The following TNRC6A variants were observed in gnomAD, a reference collection of about 807,000 sequenced individuals.
The protein encoded by TNRC6A is trinucleotide repeat containing adaptor 6A.
Under a neutral mutation model 221.2 loss-of-function variants are expected in TNRC6A, and 44 were observed. The ratio of observed to expected loss-of-function variants is 0.20; its 90% confidence interval spans 0.16 to 0.26. The LOEUF (loss-of-function observed/expected upper bound fraction) is 0.26, where lower values mean the gene tolerates loss of function less well. Ranked by LOEUF, TNRC6A falls within the 10% of genes least tolerant of loss-of-function variation. The probability of loss-of-function intolerance (pLI) is 1.00; values close to 1 mark genes in which losing one functional copy is unlikely to be tolerated. For synonymous variants in TNRC6A, 847 were observed against 838.5 expected (o/e 1.01, Z -0.18); for missense variants, 2,199 against 2,404.4 (o/e 0.91, Z 1.79).
intron 4 of TNRC6A, among the ~76,000 whole-genome samples, chr16:24,758,942 G>A (rs2057306852): frequency 6.6e-6 from 1 of 152,058 alleles, no homozygotes; most frequent in South Asian, 2.1e-4. Context: ...TGAATCAGGA[G>A]TTCTTCACCC....
chr16:24,624,716 T>G (rs1219289012), intron 1 of TNRC6A, among the ~76,000 whole-genome samples: 4 of 152,148 alleles, frequency 2.6e-5, no homozygotes, highest in African/African-American at 4.8e-5. Flanking sequence ...ACTTCCGGGC[T>G]CAAGTGATCC....
At chr16:24,758,248 C>A in intron 3 of TNRC6A, 91 bp from the exon 4 acceptor site, 1 of 1,264,842 alleles carries the variant, frequency 7.9e-7, no homozygotes, top group South Asian at 1.3e-5. Context: ...GTGTATATGT[C>A]TTATATTAAT....
intron 2 of TNRC6A, among the ~76,000 whole-genome samples, chr16:24,648,414 G>T (rs1413200276): frequency 1.3e-5 from 2 of 151,850 alleles, no homozygotes; most frequent in Non-Finnish European, 2.9e-5. Context: ...AGGACTACAG[G>T]TGCCCACCAC....
chr16:24,805,497 G>C, intron 14 of TNRC6A, 108 bp from the exon 15 acceptor site: 18 of 1,446,798 alleles, frequency 1.2e-5, no homozygotes, highest in South Asian at 2.6e-5. Context: ...AACCCCCAAT[G>C]AATAGTCCAC....
At chr16:24,655,262 G>T (rs763284575) in intron 2 of TNRC6A, among the ~76,000 whole-genome samples, 2 of 151,946 alleles carry the variant, frequency 1.3e-5, no homozygotes, top group African/African-American at 2.4e-5. Flanking sequence ...AATTTGAAAG[G>T]CGGGGGGGAA....
At chr16:24,637,345 T>C (rs1007547054) in intron 1 of TNRC6A, among the ~76,000 whole-genome samples, 1 of 152,160 alleles carries the variant, frequency 6.6e-6, no homozygotes, top group African/African-American at 2.4e-5. Flanking sequence ...TTGCAGTTCT[T>C]GACCCATCTG....
intron 2 of TNRC6A, among the ~76,000 whole-genome samples, chr16:24,716,932 G>A (rs1479564717): frequency 4.0e-4 from 47 of 118,724 alleles, no homozygotes; most frequent in African/African-American, 1.3e-3. Flanking sequence ...ACTCCAGCCT[G>A]ACAACAGAGT....
At chr16:24,692,300 G>A (rs1296312290) in intron 2 of TNRC6A, among the ~76,000 whole-genome samples, 1 of 152,190 alleles carries the variant, frequency 6.6e-6, no homozygotes, top group Non-Finnish European at 1.5e-5. Context: ...GCCGGGAGTG[G>A]TGGCTCACAC....
intron 1 of TNRC6A, among the ~76,000 whole-genome samples, chr16:24,618,301 G>A (rs1269622661): frequency 6.6e-6 from 1 of 152,156 alleles, no homozygotes; most frequent in Non-Finnish European, 1.5e-5. Context: ...CTTTGCATGT[G>A]CCAGCCACTG....
intron 2 of TNRC6A, among the ~76,000 whole-genome samples, chr16:24,651,147 A>G (rs990277784): frequency 6.6e-6 from 1 of 151,830 alleles, no homozygotes; most frequent in African/African-American, 2.4e-5. Context: ...AACAGTCACT[A>G]AGGAGAACAA....
At chr16:24,690,027 AT>A (rs796774079) in intron 2 of TNRC6A, among the ~76,000 whole-genome samples, 1,684 of 86,898 alleles carry the variant, frequency 0.019, 45 homozygotes, top group East Asian at 0.081. Context: ...AAAAAAAAAA[AT>A]TTTTTTTTTT....
chr16:24,616,339 AAAAAAG>A (rs1169956242), intron 1 of TNRC6A, among the ~76,000 whole-genome samples: 10 of 147,506 alleles, frequency 6.8e-5, no homozygotes, highest in South Asian at 4.6e-4. Context: ...AAAAAAAAAA[AAAAAAG>A]AAGAAGAAGA....
chr16:24,810,884 A>G (rs2058528495), intron 18 of TNRC6A, among the ~76,000 whole-genome samples: 1 of 152,204 alleles, frequency 6.6e-6, no homozygotes, highest in African/African-American at 2.4e-5. Flanking sequence ...CAAAAATTAA[A>G]AGCAGAAAAG....
intron 2 of TNRC6A, among the ~76,000 whole-genome samples, chr16:24,646,987 G>A (rs1388560054): frequency 8.5e-6 from 1 of 117,664 alleles, no homozygotes; most frequent in East Asian, 2.5e-4. Context: ...GGAGTGTGGT[G>A]GTGCGGATTG....
At chr16:24,675,518 A>G (rs904911116) in intron 2 of TNRC6A, among the ~76,000 whole-genome samples, 5 of 151,462 alleles carry the variant, frequency 3.3e-5, no homozygotes, top group Non-Finnish European at 5.9e-5. Context: ...CATCTCTACT[A>G]TAAATACAAA....
chr16:24,746,606 G>A (rs10492798), intron 2 of TNRC6A, among the ~76,000 whole-genome samples: 1 of 152,102 alleles, frequency 6.6e-6, no homozygotes, highest in Non-Finnish European at 1.5e-5. Flanking sequence ...TCTTTGTACG[G>A]TTCCTTTTTC....
chr16:24,650,664 C>CAA (rs1335000917), intron 2 of TNRC6A, among the ~76,000 whole-genome samples: 1 of 119,374 alleles, frequency 8.4e-6, no homozygotes, highest in Non-Finnish European at 1.8e-5. Context: ...GACTCTGACT[C>CAA]AAAAAAAAAA....
At chr16:24,699,535 T>A (rs1403304507) in intron 2 of TNRC6A, among the ~76,000 whole-genome samples, 1 of 151,986 alleles carries the variant, frequency 6.6e-6, no homozygotes, top group East Asian at 1.9e-4. Flanking sequence ...CTGGGCAACA[T>A]AGCAAGATCC....
chr16:24,702,913 T>A (rs1192078126), intron 2 of TNRC6A, among the ~76,000 whole-genome samples: 1 of 151,896 alleles, frequency 6.6e-6, no homozygotes, highest in African/African-American at 2.4e-5. Flanking sequence ...CGGGCACCTG[T>A]AGTCCCAGCT....
Sources: allele counts gnomAD v4.1 joint callset (sites outside exome capture counted in the v4.1 genomes callset), GRCh38; gene constraint gnomAD v4.1.1; transcripts MANE v1.5; gene names NCBI Gene and HGNC (gene_info 2026-07-23, HGNC 2026-07-21).